Variants in CHD9 observed in about 807,000 individuals in gnomAD.
CHD9 encodes the protein ATP-dependent chromatin remodeler CHD9.
A neutral mutation model predicts 316.1 loss-of-function variants in CHD9; 77 were observed. The ratio of observed to expected loss-of-function variants is 0.24; its 90% CI spans 0.20 to 0.29. CHD9 has a LOEUF of 0.29. CHD9 is among the 10% of genes least tolerant of loss of function. The pLI, the probability that CHD9 is intolerant of heterozygous loss-of-function variation, is 1.00. For synonymous variants in CHD9, 1,129 were observed against 1,158.3 expected (o/e 0.97, Z 0.51); for missense variants, 2,763 against 3,438.1 (o/e 0.80, Z 4.91).
intron 2 of CHD9, among the ~76,000 whole-genome samples, chr16:53,175,118 A>G (rs1011510405): frequency 1.3e-5 from 2 of 152,264 alleles, no homozygotes; most frequent in East Asian, 3.9e-4. Flanking sequence ...TAATGGGAAC[A>G]TGCTGATTTT....
chr16:53,247,577 A>G, intron 16 of CHD9, 74 bp downstream of exon 16: 1 of 1,012,514 alleles, frequency 9.9e-7, no homozygotes, highest in Admixed American at 2.4e-5. Flanking sequence ...TGTAATGTAA[A>G]TGAACTTTAC....
chr16:53,164,160 T>C (rs1398212611), intron 2 of CHD9, among the ~76,000 whole-genome samples: 1 of 152,210 alleles, frequency 6.6e-6, no homozygotes, highest in South Asian at 2.1e-4. Flanking sequence ...ATTGAAAAAT[T>C]AAAAACTGGC....
chr16:53,101,257 C>T (rs2036852086), intron 1 of CHD9, among the ~76,000 whole-genome samples: 1 of 150,470 alleles, frequency 6.6e-6, no homozygotes, highest in African/African-American at 2.4e-5. Flanking sequence ...ACTCCAATCT[C>T]ACATTTTTTC....
At chr16:53,267,635 G>T (rs1386637293) in intron 21 of CHD9, 145 bp downstream of exon 21, 2 of 646,934 alleles carry the variant, frequency 3.1e-6, no homozygotes, top group Admixed American at 3.4e-5. Context: ...ATATATTTAA[G>T]AGCAGAATGA....
intron 1 of CHD9, among the ~76,000 whole-genome samples, chr16:53,061,020 G>A (rs952156789): frequency 1.8e-4 from 26 of 141,896 alleles, no homozygotes; most frequent in Admixed American, 1.3e-3. Context: ...CCGCCCCCCC[G>A]GGTTCAAGCG....
chr16:53,249,677 T>C (rs889682593), intron 16 of CHD9, among the ~76,000 whole-genome samples, 194 bp from the exon 17 acceptor site: 1 of 152,330 alleles, frequency 6.6e-6, no homozygotes, highest in African/African-American at 2.4e-5. Context: ...GTTTTGTATC[T>C]TTATATTAGT....
intron 1 of CHD9, among the ~76,000 whole-genome samples, chr16:53,078,416 C>T (rs1488887208): frequency 6.6e-6 from 1 of 152,190 alleles, no homozygotes; most frequent in African/African-American, 2.4e-5. Flanking sequence ...TGCCATTCCA[C>T]CTTCTGCCAC....
chr16:53,265,975 TG>T (rs929001318), intron 20 of CHD9, among the ~76,000 whole-genome samples: 3 of 151,314 alleles, frequency 2.0e-5, no homozygotes, highest in Non-Finnish European at 2.9e-5. Flanking sequence ...ATTAGTTTTT[TG>T]TTTTTTTTTT....
chr16:53,244,519 G>C (rs8063521), intron 13 of CHD9, among the ~76,000 whole-genome samples: 5,839 of 152,068 alleles, frequency 0.038, 380 homozygotes, highest in African/African-American at 0.13. Flanking sequence ...AGACCTTTAC[G>C]TTCTTGGATT....
rs2049532211 is a variant in CHD9, at chr16:53,245,795, G to T, written c.3399G>T (p.Leu1133Phe). 1.9e-6 allele frequency: 3 copies of T among 1,575,778 alleles called. No homozygotes were observed. Among genetic ancestry groups the T allele is most frequent in the African/African-American group, 2.7e-5 (2 of 73,038 alleles). Residue 1133 changes from leucine to phenylalanine, a missense_variant, in exon 15 of 39, where the codon TTG becomes TTT. Around this residue, in one of 15 missense-constraint regions of CHD9, gnomAD observed 155 missense variants for 291.8 expected, o/e 0.53. Coordinates refer to ENST00000447540, the MANE Select transcript of CHD9 (RefSeq NM_001308319.2). This position sits in a 1 kb window ranked among gnomAD's most constrained non-coding sequence, Gnocchi z 4.1. ...KGAGQTNVPN[L>F]VNTMMELRKC... ...CAGGACAAACTAATGTACCTAACTTGGTCAATACCATGATGGAGCTCAGGA... is the reference window on the plus strand; with the variant it reads ...CAGGACAAACTAATGTACCTAACTTTGTCAATACCATGATGGAGCTCAGGA...
At chr16:53,250,752 A>G (rs150696252) in intron 17 of CHD9, 77 of 152,254 alleles carry the variant, frequency 5.1e-4, no homozygotes, top group African/African-American at 1.6e-3. Flanking sequence ...TGAGAAGAGA[A>G]CAAAATATAA....
At chr16:53,139,976 G>A (rs1375586753) in intron 1 of CHD9, among the ~76,000 whole-genome samples, 1 of 151,754 alleles carries the variant, frequency 6.6e-6, no homozygotes, top group African/African-American at 2.4e-5. Context: ...GTGCATACCT[G>A]TAGTTCCAGC....
intron 1 of CHD9, among the ~76,000 whole-genome samples, chr16:53,129,514 G>A (rs1399369309): frequency 6.6e-6 from 1 of 152,166 alleles, no homozygotes; most frequent in Non-Finnish European, 1.5e-5. Flanking sequence ...CACTCTGGAG[G>A]GCCTTCATGG....
At chr16:53,148,082 C>T (rs2040781042) in intron 1 of CHD9, among the ~76,000 whole-genome samples, 1 of 152,024 alleles carries the variant, frequency 6.6e-6, no homozygotes, top group Non-Finnish European at 1.5e-5. Context: ...TGGTGGGCGC[C>T]TGTAAGCCCA....
chr16:53,112,525 T>C (rs1202879465), intron 1 of CHD9, among the ~76,000 whole-genome samples: 1 of 152,250 alleles, frequency 6.6e-6, no homozygotes, highest in South Asian at 2.1e-4. Flanking sequence ...CAAGCATGTG[T>C]CACAAAGTAA....
chr16:53,220,417 C>T (rs1378735987), intron 3 of CHD9, among the ~76,000 whole-genome samples: 1 of 152,162 alleles, frequency 6.6e-6, no homozygotes, highest in Non-Finnish European at 1.5e-5. Context: ...TCTACTTCCA[C>T]AATAAAAAAT....
At chr16:53,105,446 T>C (rs546148927) in intron 1 of CHD9, among the ~76,000 whole-genome samples, 4 of 152,354 alleles carry the variant, frequency 2.6e-5, no homozygotes, top group East Asian at 1.9e-4. Flanking sequence ...CTATTAGTAA[T>C]TTATTTCAGT....
At chr16:53,204,626 C>T (rs1316208314) in intron 2 of CHD9, among the ~76,000 whole-genome samples, 1 of 152,012 alleles carries the variant, frequency 6.6e-6, no homozygotes, top group African/African-American at 2.4e-5. Context: ...GCTATTAGGT[C>T]ATGACCTGTC....
At chr16:53,285,052 C>A (rs1427507705) in intron 24 of CHD9, among the ~76,000 whole-genome samples, 1 of 152,276 alleles carries the variant, frequency 6.6e-6, no homozygotes, top group East Asian at 1.9e-4. Context: ...CATACATGAG[C>A]CACTGTGTTT....
Sources: allele counts gnomAD v4.1 joint callset (sites outside exome capture counted in the v4.1 genomes callset), GRCh38; gene constraint gnomAD v4.1.1; regional missense constraint gnomAD v4.1.1; non-coding constraint Gnocchi (gnomAD v3.1); transcripts MANE v1.5; gene names NCBI Gene and HGNC (gene_info 2026-07-23, HGNC 2026-07-21).